RNF212B: variants seen among roughly 807,000 people sequenced by gnomAD.
RNF212B encodes the protein E3 ubiquitin-protein ligase RNF212B.
Under a neutral mutation model 55.5 loss-of-function variants are expected in RNF212B, and 52 were observed. The observed-to-expected ratio is 0.94, with a 90% confidence interval of 0.75 to 1.18. The LOEUF (loss-of-function observed/expected upper bound fraction) is 1.18, where lower values mean the gene tolerates loss of function less well. RNF212B is among the 50% of genes most tolerant of loss of function. The pLI is 0.00. For synonymous variants in RNF212B, 99 were observed against 121.4 expected, an observed-to-expected ratio of 0.82 and a Z score of 1.21; for missense variants, 289 against 350.4, an observed-to-expected ratio of 0.82 and a Z score of 1.40.
At chr14:23,192,425 C>T (rs1210605344) in intron 1 of RNF212B, among the ~76,000 whole-genome samples, 3 of 151,258 alleles carry the variant, frequency 2.0e-5, no homozygotes, top group Non-Finnish European at 4.4e-5. Context: ...TCTCAGCAAA[C>T]TATCACAAGG....
At chr14:23,269,745 C>T in intron 12 of RNF212B, 118 bp from the exon 13 acceptor site, 2 of 616,976 alleles carry the variant, frequency 3.2e-6, no homozygotes, top group Non-Finnish European at 5.7e-6. Flanking sequence ...TCATCAGTTG[C>T]AAGCAGGGAA....
intron 4 of RNF212B, among the ~76,000 whole-genome samples, chr14:23,248,251 C>G (rs1161620877): frequency 1.3e-5 from 2 of 151,688 alleles, no homozygotes; most frequent in African/African-American, 4.8e-5. Flanking sequence ...CCTCACCCTC[C>G]CAGGTAGCTG....
At chr14:23,235,805 T>C (rs932137373), upstream of RNF212B, among the ~76,000 whole-genome samples, 6 of 152,330 alleles carry the variant, frequency 3.9e-5, no homozygotes, top group East Asian at 1.2e-3. Context: ...TCTAAATGTA[T>C]GATGTTACAA....
chr14:23,187,644 A>G (rs768703122), intron 1 of RNF212B, among the ~76,000 whole-genome samples: 2 of 152,098 alleles, frequency 1.3e-5, no homozygotes, highest in Non-Finnish European at 2.9e-5. Flanking sequence ...GCTTTTTGTA[A>G]CAGAGCTGGG....
chr14:23,216,934 A>T (rs1270793731), intron 2 of RNF212B, among the ~76,000 whole-genome samples: 1 of 145,868 alleles, frequency 6.9e-6, no homozygotes, highest in Non-Finnish European at 1.5e-5. Context: ...AGATTGTATG[A>T]TTCCACTTAT....
intron 2 of RNF212B, among the ~76,000 whole-genome samples, chr14:23,210,843 T>G (rs1419741532): frequency 2.1e-5 from 3 of 146,260 alleles, no homozygotes; most frequent in Admixed American, 1.4e-4. Flanking sequence ...GGGTGAAGGA[T>G]ATCCAGGAAC....
At chr14:23,210,352 T>G (rs1293698000) in intron 2 of RNF212B, among the ~76,000 whole-genome samples, 8 of 152,308 alleles carry the variant, frequency 5.3e-5, no homozygotes, top group African/African-American at 1.9e-4. Context: ...TGAAACGCAG[T>G]GCGGTATATA....
chr14:23,217,260 G>C (rs1268970962), intron 2 of RNF212B, among the ~76,000 whole-genome samples: 1 of 142,868 alleles, frequency 7.0e-6, no homozygotes, highest in Non-Finnish European at 1.5e-5. Flanking sequence ...AGTGGTGGGG[G>C]GGGGGCTCCT....
intron 3 of RNF212B, 104 bp from the exon 4 acceptor site, chr14:23,244,218 T>C (rs1883830747): frequency 5.1e-6 from 3 of 591,424 alleles, no homozygotes; most frequent in Non-Finnish European, 8.7e-6. Context: ...GTGGAGATAA[T>C]GTCAGGTACA....
At chr14:23,228,604 AC>A (rs1240857863) in intron 2 of RNF212B, among the ~76,000 whole-genome samples, 1 of 151,662 alleles carries the variant, frequency 6.6e-6, no homozygotes, top group East Asian at 1.9e-4. Flanking sequence ...ACTTGTGATC[AC>A]ATTAACGCAA....
In RNF212B at chr14:23,258,684, C is replaced by A. The variant is rs900618418; in HGVS notation, c.344+20C>A. Reference sequence around the variant, plus strand: ...GGACAAGTAAGTAACAAATCAAGTCCCAAGAGAGCTTTTTTTTTTTTTTTT... The same window carrying A: ...GGACAAGTAAGTAACAAATCAAGTCACAAGAGAGCTTTTTTTTTTTTTTTT... On this transcript the variant is annotated intron_variant, in intron 5 of 14. Transcript: ENST00000430154. 3.1e-5 allele frequency: 35 copies of A among 1,144,634 alleles called. No homozygotes were observed. Among genetic ancestry groups the A allele is most frequent in the Non-Finnish European group, 4.2e-5 (35 of 831,226 alleles). 70.9% of individuals were successfully genotyped at this position (1,144,634 alleles called of 1,614,324 possible). A position where few individuals can be genotyped will look rare whatever the true frequency, so the allele number is the denominator to read the frequency against.
chr14:23,220,109 G>A (rs558474844), intron 2 of RNF212B, among the ~76,000 whole-genome samples: 4 of 152,084 alleles, frequency 2.6e-5, no homozygotes, highest in East Asian at 1.9e-4. Context: ...CCTTGAACCT[G>A]GGAGGCAGAG....
At position 23,266,404 on chromosome 14, in the gene RNF212B, G is replaced by GTGT. The variant is rs1301405683; in HGVS notation, c.634+1734_634+1735insGTT. Among the ~76,000 whole-genome samples the GTGT allele has an allele frequency of 2.3e-4, 11 of 46,888 alleles. No homozygotes were observed. The East Asian group carries it at 4.6e-3, about 19-fold the overall frequency. The allele number at this position is 46,888 out of a possible 152,430, so 30.8% of individuals were successfully genotyped here. A position where few individuals can be genotyped will look rare whatever the true frequency, so the allele number is the denominator to read the frequency against. ...TTCAGTGATTTAAATCCTTTTAAATGTTTTTTTTTTTTTTTTTTTTTTTTG... is the reference window on the plus strand; with the variant it reads ...TTCAGTGATTTAAATCCTTTTAAATGTGTTTTTTTTTTTTTTTTTTTTTTTTTG... On this transcript the variant is annotated intron_variant, in intron 11 of 14. Coordinates refer to ENST00000430154, the MANE Select transcript of RNF212B (RefSeq NM_001282322.3).
At chr14:23,229,225 TATATATATA>T (rs1267504721) in intron 2 of RNF212B, among the ~76,000 whole-genome samples, 4 of 41,930 alleles carry the variant, frequency 9.5e-5, no homozygotes, top group Non-Finnish European at 1.5e-4. Context: ...ATATTTTATA[TATATATATA>T]TATATATATA....
upstream of RNF212B, among the ~76,000 whole-genome samples, chr14:23,236,286 C>T (rs545152572): frequency 6.6e-6 from 1 of 152,274 alleles, no homozygotes; most frequent in Non-Finnish European, 1.5e-5. Flanking sequence ...GAGACCAAGG[C>T]AGGTGGATCA....
intron 2 of RNF212B, among the ~76,000 whole-genome samples, chr14:23,199,924 GA>G (rs937162239): frequency 2.0e-5 from 3 of 148,572 alleles, no homozygotes; most frequent in African/African-American, 7.4e-5. Context: ...AAAAAGAAGG[GA>G]AAAAAAAGAA....
upstream of RNF212B, among the ~76,000 whole-genome samples, chr14:23,233,252 C>A (rs1445718321): frequency 2.6e-5 from 4 of 152,180 alleles, no homozygotes; most frequent in East Asian, 5.8e-4. Flanking sequence ...CTCAAGTACC[C>A]AGCGACACAA....
At chr14:23,231,897 C>T (rs2140420963) in intron 2 of RNF212B, among the ~76,000 whole-genome samples, 1 of 152,358 alleles carries the variant, frequency 6.6e-6, no homozygotes, top group South Asian at 2.1e-4. Context: ...CAGCCTCGGC[C>T]TCCCGAGGTG....
chr14:23,187,140 C>T (rs567863379), intron 1 of RNF212B, among the ~76,000 whole-genome samples: 5 of 152,206 alleles, frequency 3.3e-5, no homozygotes, highest in East Asian at 3.9e-4. Flanking sequence ...AGCTGTTTTG[C>T]GTGCTTCAGA....
Sources: allele counts gnomAD v4.1 joint callset (sites outside exome capture counted in the v4.1 genomes callset), GRCh38; gene constraint gnomAD v4.1.1; transcripts MANE v1.5; gene names NCBI Gene and HGNC (gene_info 2026-07-23, HGNC 2026-07-21).